IFNGR1: variants seen among roughly 807,000 people sequenced by gnomAD.
IFNGR1 encodes AVP, type 2.
IFNGR1 carries 23 observed loss-of-function variants against 35.4 expected under a neutral mutation model. That is an observed-to-expected ratio of 0.65 (90% CI 0.47 to 0.92). The LOEUF (loss-of-function observed/expected upper bound fraction) is 0.92, where lower values mean the gene tolerates loss of function less well. IFNGR1 is among the 40% of genes least tolerant of loss of function. The probability of loss-of-function intolerance (pLI) is 0.00; values close to 1 mark genes in which losing one functional copy is unlikely to be tolerated. For synonymous variants in IFNGR1, 199 were observed against 209.5 expected (o/e 0.95, Z 0.43); for missense variants, 533 against 583.4 (o/e 0.91, Z 0.89).
At chr6:137,218,558 A>C in intron 1 of IFNGR1, 1 of 1,275,874 alleles carries the variant, frequency 7.8e-7, no homozygotes. Flanking sequence ...TGGCGACATA[A>C]TGCATACTTT....
intron 5 of IFNGR1, among the ~76,000 whole-genome samples, chr6:137,203,196 C>T (rs1005460431): frequency 1.4e-4 from 21 of 152,158 alleles, no homozygotes; most frequent in African/African-American, 5.1e-4. Flanking sequence ...AAGTAACAAA[C>T]TGACTTATAA....
rs1779131237 is a variant in IFNGR1, at chr6:137,198,022, T to G, written c.*9A>C. On this transcript the variant is annotated 3_prime_UTR_variant, in exon 7 of 7. Coordinates refer to ENST00000367739, the MANE Select transcript of IFNGR1 (RefSeq NM_000416.3). ...ATCAGACTTCAAAGTTGGTGCAACTTAGCTGATCTCATGAAAATTCTTTGG... is the reference window on the plus strand; with the variant it reads ...ATCAGACTTCAAAGTTGGTGCAACTGAGCTGATCTCATGAAAATTCTTTGG... 3.7e-6 allele frequency: 6 copies of G among 1,613,834 alleles called. No individual in the cohort carries two copies. The highest frequency in any genetic ancestry group is 5.1e-6 in the Non-Finnish European group (6 of 1,179,952).
At chr6:137,199,427 T>C (rs1199594371) in intron 6 of IFNGR1, among the ~76,000 whole-genome samples, 1 of 113,930 alleles carries the variant, frequency 8.8e-6, no homozygotes, top group South Asian at 2.4e-4. Flanking sequence ...TATAAACATA[T>C]AATTTATAAT....
intron 6 of IFNGR1, among the ~76,000 whole-genome samples, 193 bp downstream of exon 6, chr6:137,200,687 AT>A (rs1243799442): frequency 7.0e-6 from 1 of 142,196 alleles, no homozygotes; most frequent in East Asian, 2.4e-4. Flanking sequence ...TTCCCTGAGA[AT>A]AAAAAAAAAA....
At chr6:137,213,849 C>T (rs1779629373) in intron 1 of IFNGR1, among the ~76,000 whole-genome samples, 1 of 152,184 alleles carries the variant, frequency 6.6e-6, no homozygotes, top group Non-Finnish European at 1.5e-5. Context: ...CCACCAAAAG[C>T]ATCTGTGTCT....
In IFNGR1 at chr6:137,218,996, A is replaced by C. The variant is rs76168031; in HGVS notation, c.85+247T>G. On this transcript the variant is annotated intron_variant, in intron 1 of 6. Coordinates refer to ENST00000367739, the MANE Select transcript of IFNGR1 (RefSeq NM_000416.3). ...AAAAGTGGATTACAAGAGTCGGAAA[A>C]ACAAGCGGCGTGATTTGTTGTGGCG... 0.012 allele frequency: 6,761 copies of C among 583,732 alleles called. 412 individuals carry two copies. In the African/African-American group the frequency reaches 0.12, roughly 10 times the overall value. 36.2% of individuals were successfully genotyped at this position (583,732 alleles called of 1,614,324 possible). A position where few individuals can be genotyped will look rare whatever the true frequency, so the allele number is the denominator to read the frequency against.
Position 137,198,379 on chromosome 6 carries a change from T to C in IFNGR1, c.1122A>G (p.Ile374Met). 1 of 1,614,182 alleles carries C rather than the reference T, an allele frequency of 6.2e-7. No individual in the cohort carries two copies. The highest frequency in any genetic ancestry group is 1.1e-5 in the South Asian group (1 of 91,080). ...DVVPGSHLTPIERESSSPLSS... is the reference protein window; with the variant it reads ...DVVPGSHLTPMERESSSPLSS... ...TTAAAGGTGAAGAACTCTCTCTCTC[T>C]ATTGGAGTCAGATGGCTGCCCGGGA... Residue 374 changes from isoleucine to methionine, a missense_variant, in exon 7 of 7, where the codon ATA (isoleucine) becomes ATG (methionine). Ile to Met is a conservative substitution (Grantham distance 10). Coordinates refer to ENST00000367739, the MANE Select transcript of IFNGR1 (RefSeq NM_000416.3).
At chr6:137,214,845 T>C (rs1049553652) in intron 1 of IFNGR1, among the ~76,000 whole-genome samples, 1 of 152,230 alleles carries the variant, frequency 6.6e-6, no homozygotes, top group Non-Finnish European at 1.5e-5. Context: ...AACCAAACTT[T>C]TTTGTCTGTT....
chr6:137,217,798 T>C (rs992588457), intron 1 of IFNGR1, among the ~76,000 whole-genome samples: 1 of 152,222 alleles, frequency 6.6e-6, no homozygotes, highest in African/African-American at 2.4e-5. Context: ...ATTTGGTTCC[T>C]ACTTCTCCAC....
At position 137,205,645 on chromosome 6, in the gene IFNGR1, T is replaced by C. The variant is rs567360205; in HGVS notation, c.373+491A>G. Among the ~76,000 whole-genome samples, 8 of 152,176 alleles carry C rather than the reference T, an allele frequency of 5.3e-5. No homozygotes were observed. In the East Asian group the frequency reaches 1.4e-3, roughly 26 times the overall value. On this transcript the variant is annotated intron_variant, in intron 3 of 6. Transcript: ENST00000367739. ...TGACAAAAGATGGGAAGGGCAAGGG[T>C]GGTGCAGGGGACCGCTGGGCAGCAC...
In IFNGR1 at chr6:137,204,562, T is replaced by C. The variant is rs1371971819; in HGVS notation, c.374-58A>G. The stretch of plus-strand genomic sequence containing the variant: ...ACTGGCCTTGGAACTAAATGGTACA[T>C]TTCATAAAATTACCAGAATCTATCA... On this transcript the variant is annotated intron_variant, in intron 3 of 6. Transcript: ENST00000367739. 4.5e-6 allele frequency: 6 copies of C among 1,326,284 alleles called. No individual in the cohort carries two copies. In the African/African-American group the frequency reaches 7.2e-5, roughly 16 times the overall value. 82.2% of individuals were successfully genotyped at this position (1,326,284 alleles called of 1,614,324 possible).
intron 1 of IFNGR1, among the ~76,000 whole-genome samples, chr6:137,216,758 G>T (rs1779705300): frequency 6.6e-6 from 1 of 152,300 alleles, no homozygotes; most frequent in South Asian, 2.1e-4. Flanking sequence ...CTAGAGAAAT[G>T]TGTTAGAAAT....
intron 6 of IFNGR1, among the ~76,000 whole-genome samples, chr6:137,199,455 TAA>T (rs1177443990): frequency 1.0e-5 from 1 of 97,888 alleles, no homozygotes; most frequent in Non-Finnish European, 1.9e-5. Flanking sequence ...ATAAAATATA[TAA>T]CTTATATTAT....
chr6:137,205,934 G>A lies in IFNGR1; in HGVS notation c.373+202C>T, dbSNP rs547733821. ...AATGAGTATTTCCTTTGAGTGCCATGCTGGCGCTCAAAAAGTTTCAGATTT... is the reference window on the plus strand; with the variant it reads ...AATGAGTATTTCCTTTGAGTGCCATACTGGCGCTCAAAAAGTTTCAGATTT... On this transcript the variant is annotated intron_variant, in intron 3 of 6. Transcript: ENST00000367739. Among the ~76,000 whole-genome samples, 3 of 152,254 alleles carry A rather than the reference G, an allele frequency of 2.0e-5. No homozygotes were observed. The East Asian group carries it at 5.8e-4, about 29-fold the overall frequency.
At position 137,219,250 on chromosome 6, in the gene IFNGR1, C is replaced by T. The variant is rs2114527489; in HGVS notation, c.78G>A (p.Pro26=). The change falls in exon 1 of 7, where the codon CCG becomes CCA. Residue 26 remains proline (P), a synonymous_variant. Transcript: ENST00000367739. The stretch of plus-strand genomic sequence containing the variant: ...TGCCGCGAACGACGGTACCTGAGGA[C>T]GGCCCCAGATCCGCGGTGCCCATCT... ...RAEMGTADLG[P]SSVPTPTNVT... The T allele has an allele frequency of 6.2e-7, 1 of 1,610,136 alleles. No homozygotes were observed. The highest frequency in any genetic ancestry group is 8.5e-7 in the Non-Finnish European group (1 of 1,178,582).
At chr6:137,205,324 G>T (rs1554227151) in intron 3 of IFNGR1, among the ~76,000 whole-genome samples, 1 of 152,280 alleles carries the variant, frequency 6.6e-6, no homozygotes, top group Admixed American at 6.5e-5. Flanking sequence ...CTAGGGAGGA[G>T]TCAAGTGACT....
At chr6:137,199,493 TATATAAA>T (rs71906466) in intron 6 of IFNGR1, among the ~76,000 whole-genome samples, 8 of 32,932 alleles carry the variant, frequency 2.4e-4, no homozygotes, top group Admixed American at 9.1e-4. Flanking sequence ...TATAATATAT[TATATAAA>T]ATATATAATT....
chr6:137,206,373 G>T, intron 2 of IFNGR1, 65 bp from the exon 3 acceptor site: 2 of 1,274,204 alleles, frequency 1.6e-6, no homozygotes, highest in Non-Finnish European at 2.3e-6. Context: ...AACCATTTCT[G>T]TCTGTGCTTT....
At chr6:137,211,032 T>C (rs1193449737) in intron 1 of IFNGR1, among the ~76,000 whole-genome samples, 2 of 152,198 alleles carry the variant, frequency 1.3e-5, no homozygotes, top group African/African-American at 4.8e-5. Flanking sequence ...AGTGGTTCTC[T>C]GTGGGAAGTG....
Sources: allele counts gnomAD v4.1 joint callset (sites outside exome capture counted in the v4.1 genomes callset), GRCh38; gene constraint gnomAD v4.1.1; transcripts MANE v1.5; gene names NCBI Gene and HGNC (gene_info 2026-07-23, HGNC 2026-07-21).